Variants in SHISA9 observed in about 807,000 individuals in gnomAD.
The protein encoded by SHISA9 is shisa family member 9, also known as protein shisa-9.
SHISA9 carries 13 observed loss-of-function variants against 38.0 expected under a neutral mutation model. The observed-to-expected ratio is 0.34, with a 90% CI of 0.22 to 0.54. The LOEUF (loss-of-function observed/expected upper bound fraction) is 0.54. Ranked by LOEUF, SHISA9 falls within the 20% of genes least tolerant of loss-of-function variation. SHISA9 has a pLI of 0.91. For missense variants in SHISA9, 538 were observed against 575.8 expected, an observed-to-expected ratio of 0.93 and a Z score of 0.67; for synonymous variants, 275 against 242.0, an observed-to-expected ratio of 1.14 and a Z score of -1.27.
chr16:13,062,435 G>T (rs1415750364), intron 2 of SHISA9, among the ~76,000 whole-genome samples: 1 of 152,178 alleles, frequency 6.6e-6, no homozygotes. Context: ...ACCTAGAGCA[G>T]ATTGCTTAAC....
At chr16:13,256,589 T>C in the SHISA9 span, among the ~76,000 whole-genome samples, 1 of 152,176 alleles carries the variant, frequency 6.6e-6, no homozygotes, top group Non-Finnish European at 1.5e-5. Flanking sequence ...CGTATATTGT[T>C]TGATAATCAG....
chr16:13,543,791 C>T, the SHISA9 span, among the ~76,000 whole-genome samples: 1 of 152,114 alleles, frequency 6.6e-6, no homozygotes, highest in Non-Finnish European at 1.5e-5. Context: ...TAGCATCGAC[C>T]CTTCCTTCCC....
chr16:13,391,976 G>C, the SHISA9 span, among the ~76,000 whole-genome samples: 12 of 152,158 alleles, frequency 7.9e-5, no homozygotes, highest in African/African-American at 2.9e-4. Context: ...AGTGTCTGAT[G>C]GTCCCGGTTT....
At chr16:13,137,394 A>G (rs1210216649) in intron 2 of SHISA9, among the ~76,000 whole-genome samples, 1 of 152,202 alleles carries the variant, frequency 6.6e-6, no homozygotes, top group African/African-American at 2.4e-5. Context: ...ATTAGCATAA[A>G]TAGTGTTGAA....
the SHISA9 span, among the ~76,000 whole-genome samples, chr16:13,368,095 C>T: frequency 3.3e-5 from 5 of 152,228 alleles, no homozygotes; most frequent in Admixed American, 2.6e-4. Flanking sequence ...CCTACTGTGC[C>T]TCAAGTGTTA....
At chr16:13,479,126 C>G in the SHISA9 span, among the ~76,000 whole-genome samples, 3 of 152,144 alleles carry the variant, frequency 2.0e-5, no homozygotes, top group South Asian at 2.1e-4. Flanking sequence ...TTATATTCCT[C>G]GGCTTATGGT....
chr16:12,984,121 G>A (rs778942931), intron 2 of SHISA9, among the ~76,000 whole-genome samples: 1 of 152,004 alleles, frequency 6.6e-6, no homozygotes, highest in Non-Finnish European at 1.5e-5. Context: ...TCAGCCCAGG[G>A]GCCCCTGGCC....
chr16:12,920,138 A>C (rs2071309182), intron 2 of SHISA9, among the ~76,000 whole-genome samples: 1 of 149,322 alleles, frequency 6.7e-6, no homozygotes, highest in Non-Finnish European at 1.5e-5. Context: ...TGTTCACAGC[A>C]CACTTCTTGA....
the SHISA9 span, among the ~76,000 whole-genome samples, chr16:13,246,969 A>T: frequency 6.7e-6 from 1 of 150,016 alleles, no homozygotes; most frequent in East Asian, 1.9e-4. Context: ...TGAAAGATAT[A>T]TAGTAAATAT....
chr16:13,367,008 G>T, the SHISA9 span, among the ~76,000 whole-genome samples: 1 of 145,816 alleles, frequency 6.9e-6, no homozygotes, highest in Admixed American at 6.9e-5. Context: ...AAAAGAAGAA[G>T]AATCGAGGTT....
intron 1 of SHISA9, chr16:12,909,694 C>A (rs2071154313): frequency 1.5e-6 from 1 of 679,582 alleles, no homozygotes; most frequent in Non-Finnish European, 1.8e-6. Context: ...AGTTGCTTCC[C>A]ACCCCAGCCT....
At chr16:13,431,415 A>G in the SHISA9 span, among the ~76,000 whole-genome samples, 1 of 152,234 alleles carries the variant, frequency 6.6e-6, no homozygotes, top group East Asian at 1.9e-4. Context: ...ATTTCCACTG[A>G]ACTCAAATAT....
At chr16:13,089,935 A>G (rs971351553) in intron 2 of SHISA9, among the ~76,000 whole-genome samples, 3 of 152,254 alleles carry the variant, frequency 2.0e-5, no homozygotes, top group Middle Eastern at 3.4e-3. Context: ...TCTTGTGGGC[A>G]TTTAGTGCAA....
intron 2 of SHISA9, among the ~76,000 whole-genome samples, chr16:13,101,090 A>G (rs1272151155): frequency 1.3e-5 from 2 of 152,102 alleles, no homozygotes; most frequent in East Asian, 3.9e-4. Flanking sequence ...CACGCCTTTC[A>G]GGTGTGTCTA....
chr16:13,210,617 A>G (rs149228), intron 3 of SHISA9, among the ~76,000 whole-genome samples: 2 of 152,016 alleles, frequency 1.3e-5, no homozygotes, highest in Non-Finnish European at 2.9e-5. Flanking sequence ...AAAGCCATAC[A>G]TGAGGCACTT....
chr16:13,529,717 AC>A, the SHISA9 span, among the ~76,000 whole-genome samples: 1 of 152,166 alleles, frequency 6.6e-6, no homozygotes, highest in Non-Finnish European at 1.5e-5. Context: ...AACAGAAAAA[AC>A]AACACCAACC....
chr16:13,249,473 A>T, the SHISA9 span, among the ~76,000 whole-genome samples: 29 of 152,294 alleles, frequency 1.9e-4, no homozygotes, highest in Non-Finnish European at 3.7e-4. Flanking sequence ...TTATTTGACA[A>T]AGATATGCTG....
chr16:13,221,997 G>A (rs2051230537), intron 4 of SHISA9, among the ~76,000 whole-genome samples: 1 of 152,156 alleles, frequency 6.6e-6, no homozygotes, highest in South Asian at 2.1e-4. Flanking sequence ...AGTTCCACAT[G>A]GCTGGGGAGG....
At chr16:13,122,470 G>A (rs1223537936) in intron 2 of SHISA9, among the ~76,000 whole-genome samples, 1 of 152,178 alleles carries the variant, frequency 6.6e-6, no homozygotes, top group South Asian at 2.1e-4. Context: ...ATGGTCAAGG[G>A]GGAAAGAGAA....
Sources: gnomAD v4.1 joint callset for allele counts (sites outside exome capture counted in the v4.1 genomes callset) on GRCh38, gnomAD v4.1.1 for gene constraint, MANE v1.5 for transcripts, NCBI Gene and HGNC (gene_info 2026-07-23, HGNC 2026-07-21) for gene names.